The following ARB2A variants were observed in gnomAD, a reference collection of about 807,000 sequenced individuals.
The protein encoded by ARB2A is cotranscriptional regulator ARB2A.
the ARB2A span, among the ~76,000 whole-genome samples, chr5:93,996,194 T>C: frequency 6.6e-6 from 1 of 152,088 alleles, no homozygotes; most frequent in South Asian, 2.1e-4. Flanking sequence ...TATCTATGTA[T>C]GTCTACCTAA....
the ARB2A span, among the ~76,000 whole-genome samples, chr5:93,820,174 A>G: frequency 6.6e-6 from 1 of 152,332 alleles, no homozygotes; most frequent in Admixed American, 6.5e-5. Context: ...TTATAAAAAC[A>G]TATGAACACT....
the ARB2A span, among the ~76,000 whole-genome samples, chr5:93,765,036 G>T: frequency 6.6e-6 from 1 of 152,140 alleles, no homozygotes; most frequent in Non-Finnish European, 1.5e-5. Context: ...GTATTGATGG[G>T]ACGTATCTTA....
At chr5:94,089,594 TACACACACACACACACACACAC>T in the ARB2A span, among the ~76,000 whole-genome samples, 10 of 135,664 alleles carry the variant, frequency 7.4e-5, no homozygotes, top group East Asian at 2.2e-4. Context: ...AAACCGTTTA[TACACACACACACACACACACAC>T]ACACACACAC....
chr5:93,804,986 A>C, the ARB2A span: 3 of 983,468 alleles, frequency 3.1e-6, no homozygotes, highest in African/African-American at 5.3e-5. Context: ...TGAGATATCA[A>C]ATTTTATTTC....
At chr5:93,835,822 A>G in the ARB2A span, among the ~76,000 whole-genome samples, 1 of 152,032 alleles carries the variant, frequency 6.6e-6, no homozygotes, top group African/African-American at 2.4e-5. Context: ...TGGAGAAATT[A>G]CACTAATATA....
At chr5:93,939,857 G>A in the ARB2A span, among the ~76,000 whole-genome samples, 2 of 151,970 alleles carry the variant, frequency 1.3e-5, no homozygotes, top group Non-Finnish European at 2.9e-5. Context: ...GTAATAGTCT[G>A]CTATGTTATA....
chr5:93,702,382 G>T, the ARB2A span, among the ~76,000 whole-genome samples: 4 of 152,130 alleles, frequency 2.6e-5, no homozygotes, highest in Non-Finnish European at 4.4e-5. Context: ...GCCCCATCAG[G>T]TACTCTCTCA....
chr5:94,050,597 C>CAA, the ARB2A span: 1,628 of 506,140 alleles, frequency 3.2e-3, no homozygotes, highest in South Asian at 5.0e-3. Flanking sequence ...TAAAAAGGAA[C>CAA]AAAAAAAAAA....
chr5:94,087,756 C>T, the ARB2A span, among the ~76,000 whole-genome samples: 2 of 152,020 alleles, frequency 1.3e-5, no homozygotes, highest in African/African-American at 2.4e-5. Context: ...TTTACTGTAC[C>T]TTTTCTATGT....
chr5:93,871,092 G>A, the ARB2A span, among the ~76,000 whole-genome samples: 8 of 152,086 alleles, frequency 5.3e-5, 1 homozygote, highest in African/African-American at 1.9e-4. Flanking sequence ...AACAACTGAT[G>A]GTATTTGTGG....
At chr5:94,083,269 A>T in the ARB2A span, among the ~76,000 whole-genome samples, 2 of 152,202 alleles carry the variant, frequency 1.3e-5, no homozygotes, top group Admixed American at 6.5e-5. Context: ...TCCTATGATC[A>T]TAAGAGTCAA....
chr5:93,980,921 TA>T, the ARB2A span, among the ~76,000 whole-genome samples: 1 of 152,172 alleles, frequency 6.6e-6, no homozygotes, highest in African/African-American at 2.4e-5. Flanking sequence ...ATTATAGTCA[TA>T]TTTTTAAAAA....
the ARB2A span, among the ~76,000 whole-genome samples, chr5:94,035,906 T>C: frequency 2.0e-5 from 3 of 151,998 alleles, no homozygotes; most frequent in Non-Finnish European, 2.9e-5. Flanking sequence ...ATACCTAATG[T>C]AGATGACAGG....
chr5:93,902,096 T>C, the ARB2A span, among the ~76,000 whole-genome samples: 4 of 152,082 alleles, frequency 2.6e-5, 1 homozygote, highest in African/African-American at 9.7e-5. Flanking sequence ...ATAAGAGTCA[T>C]GTATATATTA....
At chr5:93,917,981 C>T in the ARB2A span, among the ~76,000 whole-genome samples, 1 of 152,186 alleles carries the variant, frequency 6.6e-6, no homozygotes, top group African/African-American at 2.4e-5. Context: ...AGACTCAGCC[C>T]TCAACCCTCT....
the ARB2A span, among the ~76,000 whole-genome samples, chr5:93,636,762 C>A: frequency 6.6e-6 from 1 of 152,164 alleles, no homozygotes; most frequent in Non-Finnish European, 1.5e-5. Flanking sequence ...TTATTTAGAT[C>A]TTCTTTAATG....
At chr5:93,993,813 ACT>A in the ARB2A span, among the ~76,000 whole-genome samples, 2 of 150,448 alleles carry the variant, frequency 1.3e-5, no homozygotes, top group Non-Finnish European at 3.0e-5. Flanking sequence ...TATATTAAAT[ACT>A]ATATATATTT....
chr5:93,818,904 T>C, the ARB2A span, among the ~76,000 whole-genome samples: 1 of 152,128 alleles, frequency 6.6e-6, no homozygotes, highest in Non-Finnish European at 1.5e-5. Context: ...AGGTTTAAAC[T>C]TGGCCGGGCG....
the ARB2A span, chr5:93,741,493 G>A: frequency 2.5e-6 from 4 of 1,611,908 alleles, no homozygotes; most frequent in African/African-American, 1.3e-5. Flanking sequence ...CAGGGGCATC[G>A]GCCCTCTGGG....
Sources: allele counts gnomAD v4.1 joint callset (sites outside exome capture counted in the v4.1 genomes callset), GRCh38; gene constraint gnomAD v4.1.1; transcripts MANE v1.5; gene names NCBI Gene and HGNC (gene_info 2026-07-23, HGNC 2026-07-21).